Variants in GABRR3 observed in about 807,000 individuals in gnomAD.
GABRR3 encodes gamma-aminobutyric acid type A receptor subunit rho3, also known as gamma-aminobutyric acid receptor subunit rho-3.
GABRR3 carries 29 observed loss-of-function variants against 43.2 expected under a neutral mutation model. That is an observed-to-expected ratio of 0.67 (90% CI 0.50 to 0.92). The LOEUF (loss-of-function observed/expected upper bound fraction) is 0.92. Among genes scored for constraint, GABRR3 ranks in the 40% least tolerant of loss-of-function variants. The pLI is 0.00. For synonymous variants in GABRR3, 206 were observed against 195.9 expected (o/e 1.05, Z -0.43); for missense variants, 576 against 572.3 (o/e 1.01, Z -0.07).
At chr3:98,031,236 G>C (rs1314601079) in intron 2 of GABRR3, among the ~76,000 whole-genome samples, 1 of 152,104 alleles carries the variant, frequency 6.6e-6, no homozygotes, top group African/African-American at 2.4e-5. Context: ...ATCTCACTTG[G>C]GTCTCTGTCA....
chr3:98,024,082 G>A (rs1162665727), intron 3 of GABRR3, among the ~76,000 whole-genome samples: 1 of 152,228 alleles, frequency 6.6e-6, no homozygotes, highest in South Asian at 2.1e-4. Flanking sequence ...AATTGGCCGG[G>A]TGTGGTGGCT....
chr3:97,998,382 G>A (rs1576038115), intron 8 of GABRR3: 1 of 152,256 alleles, frequency 6.6e-6, no homozygotes, highest in East Asian at 1.9e-4. Flanking sequence ...CTGTAACTCA[G>A]TGAACCAATG....
At chr3:98,001,574 T>A in intron 8 of GABRR3, 41 bp downstream of exon 8, 1 of 1,608,238 alleles carries the variant, frequency 6.2e-7, no homozygotes, top group Non-Finnish European at 8.5e-7. Context: ...CCTTGAACTT[T>A]CTCCCATGTT....
chr3:98,004,250 T>C (rs560075770), intron 7 of GABRR3, among the ~76,000 whole-genome samples: 2 of 152,288 alleles, frequency 1.3e-5, no homozygotes, highest in African/African-American at 4.8e-5. Context: ...AACTAATATT[T>C]ATTGAGCCTC....
rs60490447 is a variant in GABRR3, at chr3:98,005,210, A to AACACACACAC, written c.754+2544_754+2553dup. Among the ~76,000 whole-genome samples the AACACACACAC allele has an allele frequency of 1.7e-3, 248 of 148,024 alleles. 1 individual carries two copies. The highest frequency in any genetic ancestry group is 4.8e-3 in the East Asian group (24 of 4,994). ...CTATTGTTAATCTTTCTAGGCTTTT[A>AACACACACAC]ACACACACACACACACACACACACA... On this transcript the variant is annotated intron_variant, in intron 7 of 9. Transcript: ENST00000621172.
chr3:98,017,853 C>T, intron 3 of GABRR3, 131 bp from the exon 4 acceptor site: 1 of 603,114 alleles, frequency 1.7e-6, no homozygotes, highest in Non-Finnish European at 2.9e-6. Context: ...CAACAAATTT[C>T]TCCATTATTC....
At chr3:98,031,859 T>A (rs1163933536) in intron 2 of GABRR3, among the ~76,000 whole-genome samples, 2 of 152,154 alleles carry the variant, frequency 1.3e-5, no homozygotes, top group African/African-American at 4.8e-5. Context: ...GCCACTCTCT[T>A]CTGTCTTGCT....
At position 98,025,588 on chromosome 3, in the gene GABRR3, C is replaced by A. The variant is rs201846184; in HGVS notation, c.217G>T (p.Ala73Ser). 1.8e-4 allele frequency: 294 copies of A among 1,610,114 alleles called. No homozygotes were observed. In the African/African-American group the frequency reaches 3.5e-3, roughly 19 times the overall value. Residue 73 changes from alanine (A) to serine (S), a missense_variant, in exon 3 of 10, where the codon GCA becomes TCA. Coordinates refer to ENST00000621172, the Ensembl canonical transcript of GABRR3. ...TCACCTCCAAATCCAGGTCTCATTG[C>A]GAAATCGTTGTCCTCTATATGGAGA...
intron 2 of GABRR3, among the ~76,000 whole-genome samples, chr3:98,026,612 T>TCATCACTAG (rs1553720257): frequency 6.6e-6 from 1 of 150,622 alleles, no homozygotes; most frequent in East Asian, 2.0e-4. Flanking sequence ...GTCATCATCA[T>TCATCACTAG]CATCATCATC....
At position 98,001,604 on chromosome 3, in the gene GABRR3, G is replaced by T; in HGVS notation, c.907+11C>A. The stretch of plus-strand genomic sequence containing the variant: ...CATGTTAACATTTTATAAAGATGGG[G>T]AAAGATTTACCCAGGGAAACTCTTG... On this transcript the variant is annotated intron_variant, in intron 8 of 9. Coordinates refer to ENST00000621172, the Ensembl canonical transcript of GABRR3. 1 of 1,612,280 alleles carries T rather than the reference G, an allele frequency of 6.2e-7. No individual in the cohort carries two copies. The highest frequency in any genetic ancestry group is 2.2e-5 in the East Asian group (1 of 44,860).
At chr3:98,001,689 G>T (rs1158749385) in exon 8 of GABRR3, 40 of 1,613,282 alleles carry the variant, frequency 2.5e-5, no homozygotes, top group Non-Finnish European at 3.3e-5. Context: ...CATCAATATG[G>T]CTGGGAAATA....
intron 3 of GABRR3, 127 bp from the exon 4 acceptor site, chr3:98,017,849 A>G (rs755476490): frequency 1.1e-5 from 7 of 612,994 alleles, no homozygotes; most frequent in African/African-American, 1.9e-5. Context: ...TAAACAACAA[A>G]TTTCTCCATT....
At chr3:98,032,652 AT>A (rs1576053968) in intron 2 of GABRR3, among the ~76,000 whole-genome samples, 1 of 152,124 alleles carries the variant, frequency 6.6e-6, no homozygotes, top group African/African-American at 2.4e-5. Context: ...TTGAATACAT[AT>A]TTTTTTAAAG....
downstream of GABRR3, among the ~76,000 whole-genome samples, chr3:97,986,272 A>G (rs1576032188): frequency 1.3e-5 from 2 of 152,274 alleles, no homozygotes; most frequent in African/African-American, 4.8e-5. Context: ...CTCTATGTGG[A>G]TGTTCTTGCC....
chr3:97,989,598 C>G (rs141383741), intron 9 of GABRR3, among the ~76,000 whole-genome samples: 4 of 151,886 alleles, frequency 2.6e-5, no homozygotes, highest in Non-Finnish European at 5.9e-5. Flanking sequence ...AACTCCATAG[C>G]GAGGCCTAAC....
exon 6 of GABRR3, chr3:98,009,002 G>T (rs933614384): frequency 1.6e-5 from 26 of 1,608,230 alleles, no homozygotes; most frequent in Middle Eastern, 1.7e-4. Flanking sequence ...GAGGAAACCT[G>T]CTGAAATCCA....
At chr3:98,025,227 C>T (rs558274766) in intron 3 of GABRR3, among the ~76,000 whole-genome samples, 1 of 152,192 alleles carries the variant, frequency 6.6e-6, no homozygotes. Flanking sequence ...GGCATTCTAG[C>T]TCATAAGAAT....
chr3:98,007,677 G>C, intron 7 of GABRR3, 87 bp downstream of exon 7: 7 of 1,448,004 alleles, frequency 4.8e-6, no homozygotes, highest in Non-Finnish European at 6.7e-6. Flanking sequence ...CACTCGCTTG[G>C]ATTCCGGTCT....
intron 5 of GABRR3, among the ~76,000 whole-genome samples, chr3:98,011,695 A>C (rs748133367): frequency 2.0e-5 from 3 of 151,772 alleles, no homozygotes; most frequent in Non-Finnish European, 4.4e-5. Flanking sequence ...TCATTTCTTC[A>C]CCCTACTTTA....
Sources: gnomAD v4.1 joint callset for allele counts (sites outside exome capture counted in the v4.1 genomes callset) on GRCh38, gnomAD v4.1.1 for gene constraint, MANE v1.5 for transcripts, NCBI Gene and HGNC (gene_info 2026-07-23, HGNC 2026-07-21) for gene names.